PDE1A: variants seen among roughly 807,000 people sequenced by gnomAD.
PDE1A encodes phosphodiesterase 1A.
A neutral mutation model predicts 61.7 loss-of-function variants in PDE1A; 35 were observed. The ratio of observed to expected loss-of-function variants is 0.57; its 90% confidence interval spans 0.43 to 0.75. PDE1A has a LOEUF of 0.75. Ranked by LOEUF, PDE1A falls within the 30% of genes least tolerant of loss-of-function variation. The pLI, the probability that PDE1A is intolerant of heterozygous loss-of-function variation, is 0.00. For synonymous variants in PDE1A, 232 were observed against 213.2 expected (o/e 1.09, Z -0.77); for missense variants, 597 against 630.6 (o/e 0.95, Z 0.57).
downstream of PDE1A, among the ~76,000 whole-genome samples, chr2:182,143,911 T>C (rs934899628): frequency 6.6e-6 from 1 of 152,104 alleles, no homozygotes; most frequent in African/African-American, 2.4e-5. Flanking sequence ...TGTGTTTGTA[T>C]GTGTGTGTGT....
At chr2:182,484,755 G>A (rs1429636301) in intron 2 of PDE1A, among the ~76,000 whole-genome samples, 1 of 151,338 alleles carries the variant, frequency 6.6e-6, no homozygotes, top group African/African-American at 2.4e-5. Flanking sequence ...CAACAAGCAT[G>A]TGAAAAAAAA....
rs932634831 is a variant in PDE1A, at chr2:182,426,886, C to T, written c.-256G>A. ...GGTGTGCAAAAACCACCAAGAGTCA[C>T]GTTGATCCAGGCAAGAGAAGTGCAC... On this transcript the variant is annotated 5_prime_UTR_variant, in exon 1 of 14. The change creates a new upstream start codon in the 5' untranslated region. Coordinates refer to ENST00000351439, the Ensembl canonical transcript of PDE1A. The T allele has an allele frequency of 3.7e-5, 47 of 1,267,906 alleles. No homozygotes were observed. The highest frequency in any genetic ancestry group is 2.3e-4 in the African/African-American group (15 of 65,800). 78.5% of individuals were successfully genotyped at this position (1,267,906 alleles called of 1,614,324 possible). A position where few individuals can be genotyped will look rare whatever the true frequency, so the allele number is the denominator to read the frequency against.
rs373935716 is a variant in PDE1A at position 182,147,133 on chromosome 2, C to T, written c.1536G>A (p.Lys512=). 13 of 1,600,500 alleles carry T rather than the reference C, an allele frequency of 8.1e-6. No homozygotes were observed. In the African/African-American group the frequency reaches 1.6e-4, roughly 20 times the overall value. ...CAGCATTTACTAAGTCTTCTGAGTT[C>T]TTATGAAGATCAGATTCACCTAAAA... Residue 512 remains lysine (K), a synonymous_variant, in exon 14 of 14, where the codon AAG becomes AAA. Transcript: ENST00000409365.
intron 10 of PDE1A, among the ~76,000 whole-genome samples, chr2:182,189,515 C>G (rs186330658): frequency 1.3e-5 from 2 of 152,276 alleles, no homozygotes; most frequent in Admixed American, 1.3e-4. Context: ...ATGTGAAACA[C>G]CTTTCTATCC....
chr2:182,316,328 C>G (rs1439301371), intron 1 of PDE1A, among the ~76,000 whole-genome samples: 1 of 152,112 alleles, frequency 6.6e-6, no homozygotes, highest in African/African-American at 2.4e-5. Flanking sequence ...TTACAAAGAT[C>G]TTTTACATAT....
the PDE1A span, among the ~76,000 whole-genome samples, chr2:182,587,912 A>G: frequency 6.6e-6 from 1 of 152,226 alleles, no homozygotes; most frequent in Non-Finnish European, 1.5e-5. Context: ...TGAGAGAGAA[A>G]ACAACTTGAT....
At chr2:182,218,788 C>G (rs1688465754) in intron 7 of PDE1A, among the ~76,000 whole-genome samples, 1 of 152,012 alleles carries the variant, frequency 6.6e-6, no homozygotes, top group Non-Finnish European at 1.5e-5. Context: ...AATGTTGAGC[C>G]AGACTTGCAT....
intron 2 of PDE1A, among the ~76,000 whole-genome samples, chr2:182,245,917 A>G (rs1451411931): frequency 6.6e-6 from 1 of 152,186 alleles, no homozygotes; most frequent in Non-Finnish European, 1.5e-5. Context: ...TTGCTATACC[A>G]TTTTGTATTC....
chr2:182,186,064 C>T, exon 13 of PDE1A: 1 of 1,613,754 alleles, frequency 6.2e-7, no homozygotes, highest in Non-Finnish European at 8.5e-7. Flanking sequence ...TGTGTAACCC[C>T]ACAATGGTGG....
At chr2:182,541,922 C>T in the PDE1A span, among the ~76,000 whole-genome samples, 5 of 152,122 alleles carry the variant, frequency 3.3e-5, no homozygotes, top group Admixed American at 6.6e-5. Flanking sequence ...GTGACTTGAG[C>T]AGGAAAGACT....
chr2:182,237,954 T>C (rs1179661385), intron 3 of PDE1A, among the ~76,000 whole-genome samples: 1 of 152,110 alleles, frequency 6.6e-6, no homozygotes, highest in Non-Finnish European at 1.5e-5. Flanking sequence ...GGAAACCTTC[T>C]GGTGGTTTGA....
the PDE1A span, among the ~76,000 whole-genome samples, chr2:182,595,510 T>G: frequency 6.6e-6 from 1 of 152,192 alleles, no homozygotes; most frequent in Non-Finnish European, 1.5e-5. Context: ...GGAAAATAAA[T>G]AGGTCAAGGC....
upstream of PDE1A, among the ~76,000 whole-genome samples, chr2:182,428,196 G>A (rs569553681): frequency 7.9e-5 from 12 of 152,086 alleles, no homozygotes; most frequent in African/African-American, 2.9e-4. Flanking sequence ...CAAATATGCC[G>A]GGCCACTGTG....
the PDE1A span, among the ~76,000 whole-genome samples, chr2:182,602,990 CACACAT>C: frequency 7.3e-6 from 1 of 137,848 alleles, no homozygotes; most frequent in Non-Finnish European, 1.5e-5. Flanking sequence ...ATCACACACA[CACACAT>C]ACATACATAC....
intron 1 of PDE1A, among the ~76,000 whole-genome samples, chr2:182,283,333 C>T (rs1205294617): frequency 6.6e-6 from 1 of 151,834 alleles, no homozygotes; most frequent in Non-Finnish European, 1.5e-5. Context: ...GTTGCTTAAA[C>T]TGGTATATAT....
chr2:182,235,966 T>A (rs547648618), intron 3 of PDE1A, among the ~76,000 whole-genome samples: 2 of 152,338 alleles, frequency 1.3e-5, no homozygotes, highest in African/African-American at 4.8e-5. Context: ...AGCTAAGCAA[T>A]TTATCATGTT....
At chr2:182,366,639 C>T (rs372120477) in intron 1 of PDE1A, among the ~76,000 whole-genome samples, 2 of 141,852 alleles carry the variant, frequency 1.4e-5, no homozygotes, top group East Asian at 4.3e-4. Flanking sequence ...TCACATGAGA[C>T]ATTTTAAGCA....
chr2:182,304,882 G>A (rs1434433733), intron 1 of PDE1A, among the ~76,000 whole-genome samples: 1 of 152,124 alleles, frequency 6.6e-6, no homozygotes, highest in African/African-American at 2.4e-5. Flanking sequence ...ACAGAGACAT[G>A]AAATAAGCAT....
intron 1 of PDE1A, among the ~76,000 whole-genome samples, chr2:182,389,189 G>A (rs1396086751): frequency 1.3e-5 from 2 of 152,140 alleles, no homozygotes; most frequent in Non-Finnish European, 2.9e-5. Flanking sequence ...CTGTGTCAAT[G>A]CAGTCTTTTT....
Sources: allele counts gnomAD v4.1 joint callset (sites outside exome capture counted in the v4.1 genomes callset), GRCh38; gene constraint gnomAD v4.1.1; transcripts MANE v1.5; gene names NCBI Gene and HGNC (gene_info 2026-07-23, HGNC 2026-07-21).